ADRA1D: variants seen among roughly 807,000 people sequenced by gnomAD.
The protein encoded by ADRA1D is alpha-1D adrenergic receptor.
A neutral mutation model predicts 18.6 loss-of-function variants in ADRA1D; 22 were observed. The observed-to-expected ratio is 1.19, with a 90% confidence interval of 0.85 to 1.69. The LOEUF is 1.69. ADRA1D is among the 40% of genes most tolerant of loss of function. The pLI, the probability that ADRA1D is intolerant of heterozygous loss-of-function variation, is 0.00. For synonymous variants in ADRA1D, 376 were observed against 388.2 expected, an observed-to-expected ratio of 0.97 and a Z score of 0.37; for missense variants, 840 against 840.7, an observed-to-expected ratio of 1.00 and a Z score of 0.01.
At chr20:4,227,863 T>C (rs1365751906) in intron 1 of ADRA1D, among the ~76,000 whole-genome samples, 2 of 151,854 alleles carry the variant, frequency 1.3e-5, no homozygotes, top group Admixed American at 1.3e-4. Flanking sequence ...TGCCTTGGCC[T>C]CCCAAAGTGC....
chr20:4,235,745 C>T (rs1465177037), intron 1 of ADRA1D, among the ~76,000 whole-genome samples: 4 of 152,256 alleles, frequency 2.6e-5, no homozygotes, highest in African/African-American at 9.6e-5. Flanking sequence ...TCCACACTGG[C>T]TTTCAGAGAC....
intron 1 of ADRA1D, among the ~76,000 whole-genome samples, chr20:4,237,350 A>G (rs1981115414): frequency 6.6e-6 from 1 of 152,024 alleles, no homozygotes; most frequent in Non-Finnish European, 1.5e-5. Context: ...CTGTGATCAC[A>G]CGACTGCACC....
chr20:4,247,961 G>A lies in ADRA1D; in HGVS notation c.997C>T (p.Leu333Phe), dbSNP rs779799986. The change falls in exon 1 of 2, where the codon CTC (leucine) becomes TTC (phenylalanine). Residue 333 changes from leucine to phenylalanine, a missense_variant. Transcript: ENST00000379453. ...GAGAACTTGAGCAGGCGCACGGAGA[G>A]CGAGCTGCGGAAGGTGTGGCCCTTG... is the stretch of plus-strand genomic sequence containing the variant. Reference protein sequence around the residue: ...SAKGHTFRSSLSVRLLKFSRE... With the variant: ...SAKGHTFRSSFSVRLLKFSRE... 1.9e-5 allele frequency: 30 copies of A among 1,590,504 alleles called. No individual in the cohort carries two copies. The Middle Eastern group carries it at 9.9e-4, about 52-fold the overall frequency.
In ADRA1D at chr20:4,248,720, C is replaced by A. The variant is rs1290622779; in HGVS notation, c.238G>T (p.Asp80Tyr). Reference protein sequence around the residue: ...GEPGSAGAGGDVNGTAAVGGL... With the variant: ...GEPGSAGAGGYVNGTAAVGGL... The stretch of plus-strand genomic sequence containing the variant: ...CCGACGGCCGCCGTGCCATTCACGT[C>A]GCCGCCCGCGCCCGCGCTCCCCGGC... The change falls in exon 1 of 2, where the codon GAC (aspartate) becomes TAC (tyrosine). Residue 80 changes from aspartate to tyrosine, a missense_variant. By Grantham distance (160) the Asp-to-Tyr change is radical. Coordinates refer to ENST00000379453, the MANE Select transcript of ADRA1D (RefSeq NM_000678.4). The A allele has an allele frequency of 3.9e-6, 6 of 1,552,778 alleles. No individual in the cohort carries two copies. In the East Asian group the frequency reaches 1.5e-4, roughly 38 times the overall value.
intron 1 of ADRA1D, among the ~76,000 whole-genome samples, chr20:4,224,047 G>A (rs533163332): frequency 2.0e-5 from 3 of 152,220 alleles, no homozygotes; most frequent in Admixed American, 6.5e-5. Flanking sequence ...AAGGACAGGC[G>A]GGCAAGAAAA....
intron 1 of ADRA1D, among the ~76,000 whole-genome samples, chr20:4,237,517 C>T (rs1029711067): frequency 6.6e-6 from 1 of 151,880 alleles, no homozygotes; most frequent in Non-Finnish European, 1.5e-5. Flanking sequence ...TGGCAGCCTC[C>T]GGTGACAGTG....
intron 1 of ADRA1D, among the ~76,000 whole-genome samples, chr20:4,226,874 G>A (rs946277928): frequency 6.6e-6 from 1 of 152,146 alleles, no homozygotes; most frequent in Non-Finnish European, 1.5e-5. Context: ...CTCCTGTTCC[G>A]CTCACAGATG....
At position 4,221,662 on chromosome 20, in the gene ADRA1D, T is replaced by TGCGCGCC; in HGVS notation, c.1573_1579dup (p.Gln527ArgfsTer64). The TGCGCGCC allele has an allele frequency of 1.9e-6, 3 of 1,612,778 alleles. No individual in the cohort carries two copies. The highest frequency in any genetic ancestry group is 2.5e-6 in the Non-Finnish European group (3 of 1,179,610). On this transcript the variant is annotated frameshift_variant, in exon 2 of 2. Transcript: ENST00000379453. LOFTEE classifies it low-confidence loss of function (END_TRUNC). ...CTGGGCGCACGCTGCCTCTGCGCGCTGCGCGCCCCCGGCGCGGATCTTGTG... is the reference window on the plus strand; with the variant it reads ...CTGGGCGCACGCTGCCTCTGCGCGCTGCGCGCCGCGCGCCCCCGGCGCGGATCTTGTG...
In ADRA1D at chr20:4,248,433, C is replaced by A. The variant is rs762494363; in HGVS notation, c.525G>T (p.Val175=). The A allele has an allele frequency of 6.2e-7, 1 of 1,611,602 alleles. No individual in the cohort carries two copies. The highest frequency in any genetic ancestry group is 1.3e-5 in the African/African-American group (1 of 75,022). ...TGGAGGCCGTGCAGCACAGCACGTC[C>A]ACGGCGGCCCATACGTCGCAGAAGG... ...GRAFCDVWAA[V]DVLCCTASIL... Residue 175 remains valine, a synonymous_variant, in exon 1 of 2, where the codon GTG becomes GTT. Transcript: ENST00000379453.
chr20:4,240,477 A>G (rs1981187687), intron 1 of ADRA1D, among the ~76,000 whole-genome samples: 1 of 150,228 alleles, frequency 6.7e-6, no homozygotes, highest in Non-Finnish European at 1.5e-5. Flanking sequence ...ATGAAGGGAT[A>G]CTGTATCTGG....
intron 1 of ADRA1D, 75 bp downstream of exon 1, chr20:4,247,772 A>C (rs1981368925): frequency 7.1e-7 from 1 of 1,413,712 alleles, no homozygotes; most frequent in South Asian, 1.6e-5. Flanking sequence ...GGGGTCGCCC[A>C]AGTCTGGGTG....
rs563840421 is a variant in ADRA1D, at chr20:4,222,424, G to T, written c.1112-294C>A. On this transcript the variant is annotated intron_variant, in intron 1 of 1. Coordinates refer to ENST00000379453, the MANE Select transcript of ADRA1D (RefSeq NM_000678.4). The surrounding 1 kb of genome is among the most constrained non-coding windows in gnomAD (Gnocchi z 4.3). ...GCTGTTTTTGTAGCTCAAAACCGGTGCAATATTGGCAGTTTCGTATTATGA... is the reference window on the plus strand; with the variant it reads ...GCTGTTTTTGTAGCTCAAAACCGGTTCAATATTGGCAGTTTCGTATTATGA... The T allele has an allele frequency of 1.0e-5, 3 of 286,082 alleles. No homozygotes were observed. Among genetic ancestry groups the T allele is most frequent in the Non-Finnish European group, 1.9e-5 (3 of 155,182 alleles). 17.7% of individuals were successfully genotyped at this position (286,082 alleles called of 1,614,324 possible).
At position 4,248,958 on chromosome 20, in the gene ADRA1D, C is replaced by G. The variant is rs1419700333; in HGVS notation, c.-1G>C. On this transcript the variant is annotated 5_prime_UTR_variant, in exon 1 of 2. Transcript: ENST00000379453. The stretch of plus-strand genomic sequence containing the variant: ...CGCTCAGGAGATCGCGGAAAGTCAT[C>G]TCAACGCGCGGCCGTCGGTGGCCGG... 1.5e-6 allele frequency: 2 copies of G among 1,355,838 alleles called. No individual in the cohort carries two copies. The highest frequency in any genetic ancestry group is 9.6e-7 in the Non-Finnish European group (1 of 1,042,584). 84.0% of individuals were successfully genotyped at this position (1,355,838 alleles called of 1,614,324 possible).
rs1981442323 is a variant in ADRA1D at position 4,249,080 on chromosome 20, T to C, written c.-123A>G. The C allele has an allele frequency of 1.7e-5, 13 of 786,288 alleles. No individual in the cohort carries two copies. The highest frequency in any genetic ancestry group is 3.8e-5 in the African/African-American group (2 of 53,124). 48.7% of individuals were successfully genotyped at this position (786,288 alleles called of 1,614,324 possible). A position where few individuals can be genotyped will look rare whatever the true frequency, so the allele number is the denominator to read the frequency against. On this transcript the variant is annotated 5_prime_UTR_variant, in exon 1 of 2. Coordinates refer to ENST00000379453, the MANE Select transcript of ADRA1D (RefSeq NM_000678.4). ...CCGCGCACGGGTCCCGTCGGGGTCC[T>C]GCCCAAGTTCCTGTGACGCGGAGCG...
rs772297447 is a variant in ADRA1D at position 4,248,885 on chromosome 20, C to T, written c.73G>A (p.Ala25Thr). The T allele has an allele frequency of 5.2e-6, 6 of 1,160,644 alleles. No individual in the cohort carries two copies. In the South Asian group the frequency reaches 8.7e-5, roughly 17 times the overall value. 71.9% of individuals were successfully genotyped at this position (1,160,644 alleles called of 1,614,324 possible). A position where few individuals can be genotyped will look rare whatever the true frequency, so the allele number is the denominator to read the frequency against. The change falls in exon 1 of 2, where the codon GCG becomes ACG. Residue 25 changes from alanine (A) to threonine (T), a missense_variant. Coordinates refer to ENST00000379453, the MANE Select transcript of ADRA1D (RefSeq NM_000678.4). ...CCCGCGCTGCCCCCGCCGCCGCCCGCGCTGGAGCCCCCTGCGCTGCTGTCC... is the reference window on the plus strand; with the variant it reads ...CCCGCGCTGCCCCCGCCGCCGCCCGTGCTGGAGCCCCCTGCGCTGCTGTCC... ...RPDSSAGGSS[A>T]GGGGGSAGGA...
At chr20:4,227,664 C>CCT (rs1568763284) in intron 1 of ADRA1D, among the ~76,000 whole-genome samples, 58 of 104,184 alleles carry the variant, frequency 5.6e-4, no homozygotes, top group African/African-American at 1.9e-3. Flanking sequence ...CCTTCCTTCC[C>CCT]TCCTTCCTTC....
chr20:4,244,425 G>C (rs931659650), intron 1 of ADRA1D, among the ~76,000 whole-genome samples: 10 of 152,148 alleles, frequency 6.6e-5, no homozygotes, highest in African/African-American at 2.2e-4. Context: ...CAACGTCAAT[G>C]CTCCCCAAAG....
At chr20:4,244,351 G>C (rs1188806221) in intron 1 of ADRA1D, among the ~76,000 whole-genome samples, 1 of 152,160 alleles carries the variant, frequency 6.6e-6, no homozygotes, top group Non-Finnish European at 1.5e-5. Context: ...GAGGAGGCAG[G>C]TGCCACCTCA....
chr20:4,242,562 T>C (rs2122675212), intron 1 of ADRA1D, among the ~76,000 whole-genome samples: 1 of 152,302 alleles, frequency 6.6e-6, no homozygotes, highest in South Asian at 2.1e-4. Flanking sequence ...ACAGGCACTA[T>C]CACAGAGCAC....
Sources: allele counts gnomAD v4.1 joint callset (sites outside exome capture counted in the v4.1 genomes callset), GRCh38; gene constraint gnomAD v4.1.1; non-coding constraint Gnocchi (gnomAD v3.1); transcripts MANE v1.5; gene names NCBI Gene and HGNC (gene_info 2026-07-23, HGNC 2026-07-21).